The following SVIL variants were observed in gnomAD, a reference collection of about 807,000 sequenced individuals.
SVIL encodes supervillin, also known as archvillin.
SVIL carries 101 observed loss-of-function variants against 240.4 expected under a neutral mutation model. That is an observed-to-expected ratio of 0.42 (90% CI 0.36 to 0.50). The LOEUF (loss-of-function observed/expected upper bound fraction) is 0.50, where lower values mean the gene tolerates loss of function less well. SVIL is among the 20% of genes least tolerant of loss of function. The pLI, the probability that SVIL is intolerant of heterozygous loss-of-function variation, is 0.01. For missense variants in SVIL, 2,512 were observed against 2,818.7 expected, an observed-to-expected ratio of 0.89 and a Z score of 2.46; for synonymous variants, 999 against 1,100.0, an observed-to-expected ratio of 0.91 and a Z score of 1.82.
chr10:29,487,292 T>G lies in SVIL; in HGVS notation c.4356A>C (p.Arg1452Ser). Reference sequence around the variant, plus strand: ...GTTCCACCAGCCTGGTCTGCACATGTCTTCTTCCTGAACACGAGGCAGACA... The same window carrying G: ...GTTCCACCAGCCTGGTCTGCACATGGCTTCTTCCTGAACACGAGGCAGACA... ...RLMLLQIKGR[R>S]HVQTRLVEPR... The change falls in exon 24 of 38, where the codon AGA (arginine) becomes AGC (serine). Residue 1452 changes from arginine (R) to serine (S), a missense_variant. Coordinates refer to ENST00000355867, the MANE Select transcript of SVIL (RefSeq NM_021738.3). 2 of 1,614,124 alleles carry G rather than the reference T, an allele frequency of 1.2e-6. No homozygotes were observed. Among genetic ancestry groups the G allele is most frequent in the Non-Finnish European group, 1.7e-6 (2 of 1,179,984 alleles).
At chr10:29,610,200 T>C (rs897982790) in intron 1 of SVIL, among the ~76,000 whole-genome samples, 2 of 152,134 alleles carry the variant, frequency 1.3e-5, no homozygotes, top group African/African-American at 4.8e-5. Context: ...TGGGCAATTC[T>C]TCCCTCACGC....
intron 2 of SVIL, among the ~76,000 whole-genome samples, chr10:29,663,480 C>T (rs984241471): frequency 7.9e-5 from 12 of 152,166 alleles, no homozygotes; most frequent in Admixed American, 5.9e-4. Flanking sequence ...CCTCCGCCTC[C>T]CAGGTCCATG....
At position 29,532,172 on chromosome 10, in the gene SVIL, G is replaced by A. The variant is rs1285411916; in HGVS notation, c.1839C>T (p.Leu613=). 6.2e-7 allele frequency: 1 copy of A among 1,613,226 alleles called. No homozygotes were observed. Among genetic ancestry groups the A allele is most frequent in the African/African-American group, 1.3e-5 (1 of 74,842 alleles). The change falls in exon 9 of 38, where the codon CTC becomes CTT. Residue 613 remains leucine, a splice_region_variant and synonymous_variant. Coordinates refer to ENST00000355867, the MANE Select transcript of SVIL (RefSeq NM_021738.3). The part of the protein sequence containing the change: ...ASANACRRPE[L]KSRVERSAEG... ...CAGCCGACCTCTCCACCCGTGATTT[G>A]CTTTGAGAATCAAAGGGCAGAGAGT... is the stretch of plus-strand genomic sequence containing the variant.
intron 17 of SVIL, among the ~76,000 whole-genome samples, chr10:29,503,092 A>G (rs575072319): frequency 6.6e-6 from 1 of 152,344 alleles, no homozygotes; most frequent in Admixed American, 6.5e-5. Flanking sequence ...AAAAGCACAT[A>G]TTAAGTAATA....
intron 1 of SVIL, among the ~76,000 whole-genome samples, chr10:29,583,691 C>A (rs751726853): frequency 1.3e-5 from 2 of 152,098 alleles, no homozygotes; most frequent in Non-Finnish European, 1.5e-5. Context: ...TAGGGGAGGG[C>A]GTGTTTGTGA....
Position 29,731,557 on chromosome 10 carries a change from T to C in SVIL, c.-400+4194A>G, listed in dbSNP as rs143236699. Among the ~76,000 whole-genome samples the C allele has an allele frequency of 2.3e-3, 351 of 152,316 alleles. 2 individuals carry two copies. Among genetic ancestry groups the C allele is most frequent in the African/African-American group, 8.0e-3 (334 of 41,556 alleles). On this transcript the variant is annotated intron_variant, in intron 1 of 35. Transcript: ENST00000375400. ...TTTTAAATAAACACTTATTTTTAGG[T>C]ATTAGATCCATTCCTTTGTTAGGCA... is the stretch of plus-strand genomic sequence containing the variant.
chr10:29,482,021 C>CTTTTTT (rs35856299), intron 27 of SVIL, among the ~76,000 whole-genome samples: 508 of 113,212 alleles, frequency 4.5e-3, no homozygotes, highest in Non-Finnish European at 7.2e-3. Flanking sequence ...CTTTTCTTTT[C>CTTTTTT]TTTTTTTTTT....
intron 1 of SVIL, among the ~76,000 whole-genome samples, chr10:29,582,965 A>C (rs1485903610): frequency 6.6e-6 from 1 of 152,160 alleles, no homozygotes; most frequent in Non-Finnish European, 1.5e-5. Context: ...CCAGTCATTC[A>C]GTGCTCACTA....
At chr10:29,518,581 C>T (rs959598979) in intron 16 of SVIL, among the ~76,000 whole-genome samples, 7 of 152,070 alleles carry the variant, frequency 4.6e-5, no homozygotes, top group African/African-American at 7.2e-5. Context: ...GAAAGCCGGG[C>T]GCAGTGGCTC....
At chr10:29,479,183 T>C (rs1946554771) in intron 29 of SVIL, among the ~76,000 whole-genome samples, 1 of 152,130 alleles carries the variant, frequency 6.6e-6, no homozygotes, top group African/African-American at 2.4e-5. Flanking sequence ...CCCCTCCTTG[T>C]AGCCAGACTC....
upstream of SVIL, among the ~76,000 whole-genome samples, chr10:29,639,360 G>A (rs1289968338): frequency 2.0e-5 from 3 of 151,968 alleles, no homozygotes; most frequent in African/African-American, 4.8e-5. Context: ...TTAGTACGAC[G>A]GGGTTTCACC....
At chr10:29,694,136 T>C (rs1413671826) in intron 1 of SVIL, among the ~76,000 whole-genome samples, 2 of 149,062 alleles carry the variant, frequency 1.3e-5, no homozygotes, top group Admixed American at 6.8e-5. Context: ...AAATTGATAT[T>C]GGCAGGGTAG....
At chr10:29,727,180 G>A (rs1369146373) in intron 1 of SVIL, among the ~76,000 whole-genome samples, 1 of 152,120 alleles carries the variant, frequency 6.6e-6, no homozygotes, top group Non-Finnish European at 1.5e-5. Flanking sequence ...AATAATATAG[G>A]TGGATAACTT....
intron 1 of SVIL, among the ~76,000 whole-genome samples, chr10:29,734,785 C>T (rs1964802717): frequency 6.6e-6 from 1 of 152,158 alleles, no homozygotes; most frequent in Non-Finnish European, 1.5e-5. Context: ...AAACATCTGG[C>T]GCAGTAGAGA....
At chr10:29,706,621 T>C (rs751628527) in intron 1 of SVIL, among the ~76,000 whole-genome samples, 24 of 152,224 alleles carry the variant, frequency 1.6e-4, no homozygotes, top group Admixed American at 6.5e-4. Context: ...ACTCTGATGA[T>C]AGTTTCTTTT....
chr10:29,490,795 C>T (rs1432992740), intron 22 of SVIL, 52 bp downstream of exon 22: 4 of 1,602,122 alleles, frequency 2.5e-6, no homozygotes, highest in Non-Finnish European at 3.4e-6. Flanking sequence ...AGTAGAGCAT[C>T]GGAAGAAGCC....
chr10:29,483,825 G>C (rs1271407221), intron 27 of SVIL: 1 of 152,100 alleles, frequency 6.6e-6, no homozygotes, highest in African/African-American at 2.4e-5. Context: ...ATCAATAATT[G>C]GATTTTAAGC....
intron 36 of SVIL, among the ~76,000 whole-genome samples, chr10:29,460,175 A>AAGTTTTT (rs1944076141): frequency 6.6e-6 from 1 of 152,138 alleles, no homozygotes; most frequent in Non-Finnish European, 1.5e-5. Context: ...ACTTTGGCCA[A>AAGTTTTT]GTGACTTCGT....
At chr10:29,521,548 T>C (rs1234474004) in intron 16 of SVIL, among the ~76,000 whole-genome samples, 1 of 152,224 alleles carries the variant, frequency 6.6e-6, no homozygotes, top group Non-Finnish European at 1.5e-5. Flanking sequence ...GCATGAGAAA[T>C]TTTGTTACAC....
Sources: allele counts gnomAD v4.1 joint callset (sites outside exome capture counted in the v4.1 genomes callset), GRCh38; gene constraint gnomAD v4.1.1; transcripts MANE v1.5; gene names NCBI Gene and HGNC (gene_info 2026-07-23, HGNC 2026-07-21).